The following COL4A5 variants were observed in gnomAD, a reference collection of about 807,000 sequenced individuals.
COL4A5 encodes collagen type IV alpha 5 chain, also known as collagen alpha-5(IV) chain.
Under a neutral mutation model 130.2 loss-of-function variants are expected in COL4A5, and 26 were observed. The observed-to-expected ratio is 0.20, with a 90% confidence interval of 0.15 to 0.28. COL4A5 has a LOEUF of 0.28. Ranked by LOEUF, COL4A5 falls within the 10% of genes least tolerant of loss-of-function variation. The pLI, the probability that COL4A5 is intolerant of heterozygous loss-of-function variation, is 1.00. For missense variants in COL4A5, 1,131 were observed against 1,344.3 expected, an observed-to-expected ratio of 0.84 and a Z score of 2.48; for synonymous variants, 496 against 439.6, an observed-to-expected ratio of 1.13 and a Z score of -1.60.
chrX:108,659,110 G>A (rs1040034817), intron 37 of COL4A5, among the ~76,000 whole-genome samples: 11 of 110,739 alleles, frequency 9.9e-5, no homozygotes, highest in African/African-American at 3.6e-4. Flanking sequence ...TTGATCATTC[G>A]GTTTAAGATA....
At chrX:108,695,524 C>T (rs1188870673) in intron 52 of COL4A5, 85 bp downstream of exon 52, 20 of 953,755 alleles carry the variant, frequency 2.1e-5, no homozygotes, top group Non-Finnish European at 2.9e-5. Context: ...GATGGTTTAT[C>T]CTCAACAAAT....
chrX:108,646,273 T>G (rs769317089), intron 36 of COL4A5, among the ~76,000 whole-genome samples: 63 of 112,085 alleles, frequency 5.6e-4, no homozygotes, highest in African/African-American at 2.0e-3. Flanking sequence ...ATCGCCATTC[T>G]AACTGGTGTG....
intron 2 of COL4A5, among the ~76,000 whole-genome samples, chrX:108,545,937 C>CT (rs1053443892): frequency 2.6e-4 from 29 of 111,219 alleles, no homozygotes; most frequent in African/African-American, 9.5e-4. Flanking sequence ...CAACCCCTGC[C>CT]TTTTTTTGTT....
chrX:108,642,470 C>G (rs1402715803), intron 36 of COL4A5, among the ~76,000 whole-genome samples: 1 of 111,137 alleles, frequency 9.0e-6, no homozygotes, highest in Non-Finnish European at 1.9e-5. Context: ...AGATAAGAAC[C>G]CTCACAGAGT....
intron 9 of COL4A5, among the ~76,000 whole-genome samples, chrX:108,574,419 A>G (rs1015373752): frequency 1.8e-5 from 2 of 111,823 alleles, no homozygotes; most frequent in Non-Finnish European, 3.8e-5. Context: ...AAATATATGT[A>G]TGTTATGAAG....
chrX:108,527,509 A>T (rs972554303), intron 1 of COL4A5, among the ~76,000 whole-genome samples: 2 of 112,187 alleles, frequency 1.8e-5, no homozygotes, highest in Non-Finnish European at 3.8e-5. Context: ...AGTATGAAAG[A>T]GATGCATGTT....
intron 42 of COL4A5, among the ~76,000 whole-genome samples, chrX:108,671,531 G>A (rs763413128): frequency 2.1e-4 from 23 of 111,511 alleles, no homozygotes; most frequent in African/African-American, 6.5e-4. Flanking sequence ...ATTTTATTCA[G>A]GACTATTGCA....
chrX:108,667,414 A>G (rs1441229171), intron 40 of COL4A5, among the ~76,000 whole-genome samples: 1 of 111,524 alleles, frequency 9.0e-6, no homozygotes, highest in Non-Finnish European at 1.9e-5. Flanking sequence ...TCTCTTCACT[A>G]AATTCATAAA....
chrX:108,628,355 T>A (rs779702847), intron 36 of COL4A5, among the ~76,000 whole-genome samples: 141 of 111,275 alleles, frequency 1.3e-3, no homozygotes, highest in African/African-American at 4.1e-3. Flanking sequence ...ACTGCCAAAT[T>A]TTCCAATTAA....
chrX:108,530,311 A>T (rs1265006295), intron 1 of COL4A5, among the ~76,000 whole-genome samples: 1 of 111,618 alleles, frequency 9.0e-6, no homozygotes, highest in African/African-American at 3.3e-5. Context: ...CCACTGGGTC[A>T]ATGAAGAAAT....
At chrX:108,568,335 T>G (rs766735855) in intron 4 of COL4A5, among the ~76,000 whole-genome samples, 7 of 111,701 alleles carry the variant, frequency 6.3e-5, no homozygotes, top group Admixed American at 1.9e-4. Flanking sequence ...ACCTGGGAGA[T>G]CCTTATCCAT....
intron 41 of COL4A5, among the ~76,000 whole-genome samples, chrX:108,669,026 C>G (rs1196994207): frequency 8.9e-6 from 1 of 112,021 alleles, no homozygotes; most frequent in Non-Finnish European, 1.9e-5. Flanking sequence ...AAATTTATCT[C>G]CAACATCACA....
intron 2 of COL4A5, among the ~76,000 whole-genome samples, chrX:108,549,226 A>T (rs1207536213): frequency 1.8e-5 from 2 of 111,987 alleles, no homozygotes; most frequent in African/African-American, 6.5e-5. Context: ...TAACACTCCT[A>T]TTTCAGTTGT....
chrX:108,634,601 G>A (rs950637058), intron 36 of COL4A5, among the ~76,000 whole-genome samples: 3 of 111,391 alleles, frequency 2.7e-5, no homozygotes, highest in Non-Finnish European at 3.8e-5. Context: ...CGAGAAGAAG[G>A]GAGACACTGT....
chrX:108,655,105 C>A (rs2067811877), intron 36 of COL4A5, among the ~76,000 whole-genome samples: 1 of 111,777 alleles, frequency 8.9e-6, no homozygotes, highest in Non-Finnish European at 1.9e-5. Context: ...CTGCCACTTA[C>A]AAAAACCTTA....
At chrX:108,672,413 A>C (rs2147966758) in intron 42 of COL4A5, among the ~76,000 whole-genome samples, 1 of 112,272 alleles carries the variant, frequency 8.9e-6, no homozygotes, top group African/African-American at 3.2e-5. Flanking sequence ...TATTTACAAA[A>C]TGTGCTCTAA....
At chrX:108,603,165 T>C in intron 28 of COL4A5, 104 bp downstream of exon 28, 1 of 521,175 alleles carries the variant, frequency 1.9e-6, no homozygotes, top group East Asian at 3.7e-5. Context: ...GCCCCAAGTC[T>C]TTACTATAAA....
intron 1 of COL4A5, among the ~76,000 whole-genome samples, chrX:108,452,664 T>G (rs373774663): frequency 8.9e-6 from 1 of 112,117 alleles, no homozygotes; most frequent in South Asian, 3.7e-4. Flanking sequence ...ATGATTTTTG[T>G]ACATTGATTT....
At chrX:108,696,069 A>G in intron 52 of COL4A5, 4 of 378,512 alleles carry the variant, frequency 1.1e-5, no homozygotes, top group Non-Finnish European at 1.9e-5. Context: ...AAACACAAAT[A>G]TACAAAGATA....
Sources: gnomAD v4.1 joint callset for allele counts (sites outside exome capture counted in the v4.1 genomes callset) on GRCh38, gnomAD v4.1.1 for gene constraint, MANE v1.5 for transcripts, NCBI Gene and HGNC (gene_info 2026-07-23, HGNC 2026-07-21) for gene names.